PDSS2: variants seen among roughly 807,000 people sequenced by gnomAD.
The protein encoded by PDSS2 is decaprenyl diphosphate synthase subunit 2.
PDSS2 carries 31 observed loss-of-function variants against 44.5 expected under a neutral mutation model. That is an observed-to-expected ratio of 0.70 (90% CI 0.52 to 0.94). PDSS2 has a LOEUF of 0.94. Among genes scored for constraint, PDSS2 ranks in the 40% least tolerant of loss-of-function variants. The pLI is 0.00. For synonymous variants in PDSS2, 157 were observed against 180.3 expected, an observed-to-expected ratio of 0.87 and a Z score of 1.03; for missense variants, 452 against 482.2, an observed-to-expected ratio of 0.94 and a Z score of 0.59.
intron 1 of PDSS2, among the ~76,000 whole-genome samples, chr6:107,345,046 G>A (rs141358045): frequency 1.5e-4 from 23 of 152,028 alleles, no homozygotes; most frequent in African/African-American, 5.5e-4. Context: ...CAAGGGGGTA[G>A]AAAAATTGAG....
intron 1 of PDSS2, among the ~76,000 whole-genome samples, chr6:107,417,621 A>C (rs2114684039): frequency 6.6e-6 from 1 of 152,190 alleles, no homozygotes; most frequent in East Asian, 1.9e-4. Context: ...TTAGCTGGGC[A>C]CGGTGGCGCA....
intron 1 of PDSS2, among the ~76,000 whole-genome samples, chr6:107,354,814 C>A (rs1441844327): frequency 6.6e-6 from 1 of 152,156 alleles, no homozygotes. Context: ...TATAAATAGC[C>A]ATTTTTATTA....
At chr6:107,218,011 G>A (rs1773469976) in intron 4 of PDSS2, among the ~76,000 whole-genome samples, 1 of 152,094 alleles carries the variant, frequency 6.6e-6, no homozygotes, top group Admixed American at 6.6e-5. Context: ...ATCAAAATCT[G>A]CCAACTCCCC....
At chr6:107,440,371 G>T (rs1383498915) in intron 1 of PDSS2, among the ~76,000 whole-genome samples, 2 of 152,206 alleles carry the variant, frequency 1.3e-5, no homozygotes, top group Non-Finnish European at 2.9e-5. Flanking sequence ...GTAACCAAGG[G>T]CTTCTTTGAT....
chr6:107,431,524 C>T lies in PDSS2; in HGVS notation c.296+27466G>A, dbSNP rs182331151. 6.6e-5 allele frequency among the ~76,000 whole-genome samples: 10 copies of T among 152,326 alleles called. No homozygotes were observed. The East Asian group carries it at 1.9e-3, about 29-fold the overall frequency. On this transcript the variant is annotated intron_variant, in intron 1 of 7. Transcript: ENST00000369037. ...TTGGACCCTCAAAGTGCTGGGATTA[C>T]AGGCGTGAGCCACTACACCCAGCCA...
At chr6:107,176,699 G>A (rs561124918) in intron 7 of PDSS2, among the ~76,000 whole-genome samples, 35 of 152,058 alleles carry the variant, frequency 2.3e-4, no homozygotes, top group African/African-American at 5.1e-4. Flanking sequence ...AGCTCATTTC[G>A]TACAAATTAT....
At chr6:107,191,446 T>C (rs6568474) in intron 7 of PDSS2, among the ~76,000 whole-genome samples, 53,674 of 151,830 alleles carry the variant, frequency 0.35, 9,728 homozygotes, top group East Asian at 0.55. Context: ...GGAGTAGAAG[T>C]GGTTTCTCAC....
chr6:107,236,748 C>T (rs948848262), intron 4 of PDSS2, among the ~76,000 whole-genome samples: 3 of 152,022 alleles, frequency 2.0e-5, no homozygotes, highest in East Asian at 1.9e-4. Context: ...CTTTAATGTC[C>T]ATCTCAAATG....
At chr6:107,420,251 C>A (rs1780782376) in intron 1 of PDSS2, among the ~76,000 whole-genome samples, 3 of 152,192 alleles carry the variant, frequency 2.0e-5, no homozygotes, top group South Asian at 4.1e-4. Flanking sequence ...GAAGCTCACT[C>A]CAATAAAGTA....
chr6:107,188,892 A>G (rs1246538212), intron 7 of PDSS2, among the ~76,000 whole-genome samples: 1 of 152,164 alleles, frequency 6.6e-6, no homozygotes, highest in African/African-American at 2.4e-5. Context: ...CCATAAGCCA[A>G]TTAAACCTCT....
At position 107,371,675 on chromosome 6, in the gene PDSS2, GCAGA is replaced by G. The variant is rs138925625; in HGVS notation, c.297-37347_297-37344del. On this transcript the variant is annotated intron_variant, in intron 1 of 7. Coordinates refer to ENST00000369037, the MANE Select transcript of PDSS2 (RefSeq NM_020381.4). Reference sequence around the variant, plus strand: ...TTAGTAAGAATTAGTAAGAATGAAGGCAGACAGACAGCTCCAAGACCAAGAAAAA... The same window carrying G: ...TTAGTAAGAATTAGTAAGAATGAAGGCAGACAGCTCCAAGACCAAGAAAAA... Among the ~76,000 whole-genome samples the G allele has an allele frequency of 2.1e-3, 327 of 152,280 alleles. 1 individual carries two copies. The highest frequency in any genetic ancestry group is 7.6e-3 in the African/African-American group (315 of 41,546).
chr6:107,294,932 T>C (rs1776460901), intron 2 of PDSS2, among the ~76,000 whole-genome samples: 1 of 152,120 alleles, frequency 6.6e-6, no homozygotes, highest in African/African-American at 2.4e-5. Flanking sequence ...GGTTCTGTTC[T>C]TTTTTTCTTT....
intron 1 of PDSS2, among the ~76,000 whole-genome samples, chr6:107,347,370 C>G (rs1778286242): frequency 6.9e-6 from 1 of 145,696 alleles, no homozygotes; most frequent in African/African-American, 2.5e-5. Flanking sequence ...TCTCCCGATT[C>G]AAGCGATTCA....
intron 7 of PDSS2, among the ~76,000 whole-genome samples, chr6:107,160,257 G>A (rs11759792): frequency 0.49 from 75,108 of 151,984 alleles, 19,451 homozygotes; most frequent in Non-Finnish European, 0.57. Context: ...AAAACACAAA[G>A]AACAAGAGTT....
At chr6:107,262,055 C>T (rs1038992161) in intron 3 of PDSS2, among the ~76,000 whole-genome samples, 4 of 151,500 alleles carry the variant, frequency 2.6e-5, no homozygotes, top group African/African-American at 9.7e-5. Context: ...ACTACAGGCG[C>T]CCGCCACCAC....
intron 3 of PDSS2, among the ~76,000 whole-genome samples, chr6:107,250,040 A>G (rs1039502805): frequency 6.6e-6 from 1 of 152,186 alleles, no homozygotes; most frequent in African/African-American, 2.4e-5. Flanking sequence ...CTACAATTCA[A>G]TGATTTTTTA....
intron 1 of PDSS2, among the ~76,000 whole-genome samples, chr6:107,345,859 G>A (rs534913383): frequency 4.6e-5 from 7 of 152,094 alleles, no homozygotes; most frequent in Admixed American, 1.3e-4. Flanking sequence ...TGAGGAAATC[G>A]GAAGTGACAG....
chr6:107,447,367 G>T (rs1188181738), intron 1 of PDSS2, among the ~76,000 whole-genome samples: 1 of 151,938 alleles, frequency 6.6e-6, no homozygotes, highest in Non-Finnish European at 1.5e-5. Context: ...AAAAGCAAGT[G>T]CATTACTACC....
intron 2 of PDSS2, among the ~76,000 whole-genome samples, chr6:107,306,940 G>A (rs1249862914): frequency 2.0e-5 from 3 of 152,088 alleles, no homozygotes; most frequent in Non-Finnish European, 4.4e-5. Context: ...TAAGCATAAG[G>A]ATCTGATTTT....
Sources: allele counts gnomAD v4.1 joint callset (sites outside exome capture counted in the v4.1 genomes callset), GRCh38; gene constraint gnomAD v4.1.1; transcripts MANE v1.5; gene names NCBI Gene and HGNC (gene_info 2026-07-23, HGNC 2026-07-21).